THADA: variants seen among roughly 807,000 people sequenced by gnomAD.
THADA encodes tRNA (32-2'-O)-methyltransferase regulator THADA.
THADA carries 213 observed loss-of-function variants against 219.8 expected under a neutral mutation model. The observed-to-expected ratio is 0.97, with a 90% CI of 0.87 to 1.09. THADA has a LOEUF of 1.09. Among genes scored for constraint, THADA ranks in the 50% least tolerant of loss-of-function variants. THADA has a pLI of 0.00. For synonymous variants in THADA, 1,018 were observed against 828.9 expected (o/e 1.23, Z -3.92); for missense variants, 2,956 against 2,311.3 (o/e 1.28, Z -5.72).
chr2:43,344,278 A>C lies in THADA; in HGVS notation c.4228-41T>G, dbSNP rs1028141604. On this transcript the variant is annotated intron_variant, in intron 29 of 37. Coordinates refer to ENST00000405975, the MANE Select transcript of THADA (RefSeq NM_022065.5). ...AAAAAAAATCCTGCTGTGAAAATATATTTTTCCTAAATGCTCAGTTCCTCC... is the reference window on the plus strand; with the variant it reads ...AAAAAAAATCCTGCTGTGAAAATATCTTTTTCCTAAATGCTCAGTTCCTCC... The C allele has an allele frequency of 2.8e-6, 4 of 1,436,118 alleles. No individual in the cohort carries two copies. The African/African-American group carries it at 5.7e-5, about 21-fold the overall frequency. 89.0% of individuals were successfully genotyped at this position (1,436,118 alleles called of 1,614,324 possible). A position where few individuals can be genotyped will look rare whatever the true frequency, so the allele number is the denominator to read the frequency against.
chr2:43,352,334 G>A (rs1428911071), intron 29 of THADA, among the ~76,000 whole-genome samples: 1 of 152,126 alleles, frequency 6.6e-6, no homozygotes, highest in Non-Finnish European at 1.5e-5. Context: ...GAGGTAAGTG[G>A]ATCACCTGAT....
intron 31 of THADA, among the ~76,000 whole-genome samples, chr2:43,312,561 C>A (rs765718877): frequency 6.6e-6 from 1 of 152,080 alleles, no homozygotes; most frequent in East Asian, 1.9e-4. Context: ...AATAACATAC[C>A]CTATATTATT....
intron 34 of THADA, among the ~76,000 whole-genome samples, chr2:43,290,504 C>G (rs771276031): frequency 1.8e-4 from 27 of 152,152 alleles, no homozygotes; most frequent in Non-Finnish European, 3.2e-4. Context: ...TTCATGATCT[C>G]CTCTATGAAG....
intron 4 of THADA, among the ~76,000 whole-genome samples, chr2:43,589,393 C>G (rs1426125771): frequency 6.6e-6 from 1 of 152,070 alleles, no homozygotes; most frequent in Non-Finnish European, 1.5e-5. Context: ...ACAAATATTA[C>G]ACTAATATGA....
intron 29 of THADA, among the ~76,000 whole-genome samples, chr2:43,344,827 G>A (rs750206461): frequency 1.3e-5 from 2 of 151,430 alleles, no homozygotes; most frequent in Non-Finnish European, 1.5e-5. Context: ...CAATGCAGAC[G>A]TGCCCCACTT....
At chr2:43,413,667 G>A (rs765003604) in intron 28 of THADA, among the ~76,000 whole-genome samples, 11 of 152,178 alleles carry the variant, frequency 7.2e-5, no homozygotes, top group Non-Finnish European at 1.5e-4. Context: ...ATGGTTCAGA[G>A]TCAATCATTT....
chr2:43,238,118 C>CAAAAAAAAAAAAA lies in THADA; in HGVS notation c.5297-5249_5297-5237dup, dbSNP rs59802310. ...TGGATGACAGAGCAAGATTCCATCT[C>CAAAAAAAAAAAAA]AAAAAAAAAAAAAAAAAAAAAAAAA... On this transcript the variant is annotated intron_variant, in intron 36 of 37. Transcript: ENST00000405975. 4.2e-4 allele frequency among the ~76,000 whole-genome samples: 12 copies of CAAAAAAAAAAAAA among 28,282 alleles called. 1 individual carries two copies. The highest frequency in any genetic ancestry group is 1.0e-3 in the African/African-American group (8 of 8,036). 18.6% of individuals were successfully genotyped at this position (28,282 alleles called of 152,430 possible).
chr2:43,288,835 G>A (rs546281861), intron 34 of THADA, among the ~76,000 whole-genome samples: 2 of 152,302 alleles, frequency 1.3e-5, no homozygotes, highest in African/African-American at 4.8e-5. Context: ...ATTTAAAGTG[G>A]CCAATGCAGT....
chr2:43,430,531 G>T (rs1197265525), intron 26 of THADA: 9 of 532,410 alleles, frequency 1.7e-5, no homozygotes, highest in South Asian at 9.1e-5. Context: ...TTAAGATTAT[G>T]TATGTTTACA....
chr2:43,592,803 AC>A (rs1432007734), intron 1 of THADA: 2 of 155,518 alleles, frequency 1.3e-5, no homozygotes, highest in African/African-American at 4.8e-5. Context: ...ACACAAAAAA[AC>A]TGGGATAGTT....
intron 22 of THADA, among the ~76,000 whole-genome samples, chr2:43,518,180 G>C (rs1173450926): frequency 6.6e-6 from 1 of 152,084 alleles, no homozygotes; most frequent in Non-Finnish European, 1.5e-5. Context: ...ATACCCTATA[G>C]GGAGCTCAAT....
chr2:43,325,449 T>C (rs1558582506), intron 30 of THADA, among the ~76,000 whole-genome samples: 1 of 152,060 alleles, frequency 6.6e-6, no homozygotes, highest in Non-Finnish European at 1.5e-5. Flanking sequence ...TCAAGGAACT[T>C]AGAGTCCTGA....
At chr2:43,588,754 A>C (rs1701252584) in intron 4 of THADA, among the ~76,000 whole-genome samples, 1 of 152,132 alleles carries the variant, frequency 6.6e-6, no homozygotes, top group African/African-American at 2.4e-5. Context: ...GGGGGAGTAC[A>C]ATTTAACAAT....
intron 19 of THADA, among the ~76,000 whole-genome samples, chr2:43,551,096 A>G (rs76582168): frequency 0.014 from 2,063 of 152,370 alleles, 111 homozygotes; most frequent in Admixed American, 0.098. Flanking sequence ...TGCAAAACAC[A>G]TAACTCCACA....
At position 43,231,127 on chromosome 2, in the gene THADA, A is replaced by T. The variant is rs933120912; in HGVS notation, c.5683T>A (p.Phe1895Ile). ...CTTGTGAACTCCACTGTCTTCACAA[A>T]CTCAGCAGCTGGTGGAAGCTCTCTG... is the stretch of plus-strand genomic sequence containing the variant. The part of the protein sequence containing the change: ...FFRELPPAAE[F>I]VKTVEFTRLR... The change falls in exon 38 of 38, where the codon TTT becomes ATT. Residue 1895 changes from phenylalanine (F) to isoleucine (I), a missense_variant. Physicochemically the swap from Phe to Ile is conservative, Grantham distance 21. Transcript: ENST00000405975. 6.8e-6 allele frequency: 11 copies of T among 1,613,722 alleles called. No homozygotes were observed. Among genetic ancestry groups the T allele is most frequent in the Non-Finnish European group, 8.5e-6 (10 of 1,179,836 alleles).
At chr2:43,399,950 T>C (rs185727015) in intron 28 of THADA, among the ~76,000 whole-genome samples, 2 of 152,200 alleles carry the variant, frequency 1.3e-5, no homozygotes, top group Admixed American at 6.5e-5. Flanking sequence ...CCTCACTTAG[T>C]AAGGCAGTCA....
chr2:43,570,260 T>G, intron 14 of THADA, 128 bp downstream of exon 14: 1 of 940,190 alleles, frequency 1.1e-6, no homozygotes. Flanking sequence ...TAGGTAATAC[T>G]CAGCTTGAAG....
intron 21 of THADA, among the ~76,000 whole-genome samples, chr2:43,535,152 G>A (rs1336782198): frequency 1.0e-5 from 1 of 95,622 alleles, no homozygotes; most frequent in Non-Finnish European, 2.2e-5. Flanking sequence ...AGAAATGTCT[G>A]TTCAGATCAT....
In THADA at chr2:43,276,586, G is replaced by A. The variant is rs906945007; in HGVS notation, c.5296+3179C>T. Among the ~76,000 whole-genome samples, 3 of 152,260 alleles carry A rather than the reference G, an allele frequency of 2.0e-5. 1 individual carries two copies. The highest frequency in any genetic ancestry group is 2.4e-5 in the African/African-American group (1 of 41,544). ...GTTCCAGAAAGTGCCCGTGGGGACC[G>A]ATAACTAGATCTGTTAAGGAGCACT... On this transcript the variant is annotated intron_variant, in intron 36 of 37. Coordinates refer to ENST00000405975, the MANE Select transcript of THADA (RefSeq NM_022065.5).
Sources: gnomAD v4.1 joint callset for allele counts (sites outside exome capture counted in the v4.1 genomes callset) on GRCh38, gnomAD v4.1.1 for gene constraint, MANE v1.5 for transcripts, NCBI Gene and HGNC (gene_info 2026-07-23, HGNC 2026-07-21) for gene names.